The following CNTNAP2 variants were observed in gnomAD, a reference collection of about 807,000 sequenced individuals.
CNTNAP2 encodes contactin-associated protein-like 2.
Under a neutral mutation model 155.2 loss-of-function variants are expected in CNTNAP2, and 98 were observed. That is an observed-to-expected ratio of 0.63 (90% CI 0.54 to 0.75). The LOEUF (loss-of-function observed/expected upper bound fraction) is 0.75, where lower values mean the gene tolerates loss of function less well. CNTNAP2 is among the 30% of genes least tolerant of loss of function. The probability of loss-of-function intolerance (pLI) is 0.00; values close to 1 mark genes in which losing one functional copy is unlikely to be tolerated. For missense variants in CNTNAP2, 1,727 were observed against 1,688.1 expected (o/e 1.02, Z -0.40); for synonymous variants, 651 against 631.2 (o/e 1.03, Z -0.47).
intron 8 of CNTNAP2, among the ~76,000 whole-genome samples, chr7:147,141,411 C>A (rs576248272): frequency 6.6e-6 from 1 of 152,218 alleles, no homozygotes; most frequent in East Asian, 1.9e-4. Flanking sequence ...GCCAGATTGC[C>A]TACTGGCTAT....
At chr7:148,207,469 C>G (rs1795471088) in intron 18 of CNTNAP2, among the ~76,000 whole-genome samples, 1 of 152,222 alleles carries the variant, frequency 6.6e-6, no homozygotes, top group African/African-American at 2.4e-5. Context: ...CGCTGGCACA[C>G]AGATGCCTCT....
intron 3 of CNTNAP2, among the ~76,000 whole-genome samples, chr7:147,005,148 C>A (rs1483928386): frequency 1.3e-5 from 2 of 151,934 alleles, no homozygotes; most frequent in Admixed American, 1.3e-4. Context: ...TGGTAAGATT[C>A]AAATACTTGT....
intron 21 of CNTNAP2, among the ~76,000 whole-genome samples, chr7:148,276,137 A>G (rs577041952): frequency 1.8e-4 from 28 of 152,306 alleles, no homozygotes; most frequent in Admixed American, 7.8e-4. Flanking sequence ...ACAAGAGTAC[A>G]TTATTAGCAG....
chr7:146,539,939 A>G (rs932952352), intron 1 of CNTNAP2, among the ~76,000 whole-genome samples: 7 of 152,092 alleles, frequency 4.6e-5, no homozygotes, highest in Non-Finnish European at 1.0e-4. Context: ...CTGTCATGGT[A>G]AAGAAGAGCA....
intron 15 of CNTNAP2, among the ~76,000 whole-genome samples, chr7:148,035,312 T>A (rs1272225636): frequency 6.6e-6 from 1 of 152,092 alleles, no homozygotes; most frequent in Admixed American, 6.5e-5. Context: ...GTTTTGGAGA[T>A]CTCTGAGGCT....
At chr7:147,267,789 C>T (rs959345821) in intron 8 of CNTNAP2, among the ~76,000 whole-genome samples, 6 of 152,108 alleles carry the variant, frequency 3.9e-5, no homozygotes, top group East Asian at 1.9e-4. Flanking sequence ...AGTGTGTTTT[C>T]GATTATAAAA....
At chr7:147,477,427 T>C (rs1798342395) in intron 10 of CNTNAP2, among the ~76,000 whole-genome samples, 1 of 152,238 alleles carries the variant, frequency 6.6e-6, no homozygotes, top group South Asian at 2.1e-4. Context: ...TTTGGGTTTC[T>C]TGTGGTCTCA....
intron 10 of CNTNAP2, among the ~76,000 whole-genome samples, chr7:147,461,186 A>T (rs375880746): frequency 2.0e-5 from 3 of 152,220 alleles, no homozygotes; most frequent in African/African-American, 7.2e-5. Context: ...AGACACTAAC[A>T]TAAATAAATA....
At chr7:147,591,087 A>G (rs1290055657) in intron 12 of CNTNAP2, among the ~76,000 whole-genome samples, 2 of 152,218 alleles carry the variant, frequency 1.3e-5, no homozygotes, top group Non-Finnish European at 2.9e-5. Flanking sequence ...CATCACTCAA[A>G]CCAAAACCCT....
chr7:147,144,503 T>C (rs1288985903), intron 8 of CNTNAP2, among the ~76,000 whole-genome samples: 1 of 152,220 alleles, frequency 6.6e-6, no homozygotes, highest in Admixed American at 6.5e-5. Context: ...ATGTGAAATC[T>C]GGATCACATG....
chr7:146,962,759 C>G (rs1797580475), intron 3 of CNTNAP2: 3 of 152,244 alleles, frequency 2.0e-5, no homozygotes, highest in Admixed American at 2.0e-4. Context: ...CCATGTTGGC[C>G]AGGCTGGTCT....
rs971775067 is a variant in CNTNAP2 at position 148,180,304 on chromosome 7, CT to C, written c.3010+7835del. Among the ~76,000 whole-genome samples the C allele has an allele frequency of 5.9e-5, 9 of 151,440 alleles. No individual in the cohort carries two copies. In the South Asian group the frequency reaches 1.1e-3, roughly 18 times the overall value. The stretch of plus-strand genomic sequence containing the variant: ...GGCCCAAAGGAACAAGAATAGAACC[CT>C]TTTTTTTTCTTTTCTTCTTAGAGAA... On this transcript the variant is annotated intron_variant, in intron 18 of 23. Coordinates refer to ENST00000361727, the MANE Select transcript of CNTNAP2 (RefSeq NM_014141.6).
At chr7:148,347,366 C>T (rs539231905) in intron 21 of CNTNAP2, among the ~76,000 whole-genome samples, 1 of 152,166 alleles carries the variant, frequency 6.6e-6, no homozygotes, top group South Asian at 2.1e-4. Flanking sequence ...GGCACAATTA[C>T]AAATAAGCTA....
chr7:146,622,160 T>C (rs890825110), intron 1 of CNTNAP2, among the ~76,000 whole-genome samples: 1 of 151,222 alleles, frequency 6.6e-6, no homozygotes, highest in Non-Finnish European at 1.5e-5. Context: ...CGTATATATA[T>C]ATACACACAC....
intron 1 of CNTNAP2, among the ~76,000 whole-genome samples, chr7:146,488,216 C>T (rs1437941191): frequency 6.6e-6 from 1 of 151,416 alleles, no homozygotes; most frequent in Non-Finnish European, 1.5e-5. Context: ...CTGCTACAAA[C>T]CCTCCATCCC....
intron 1 of CNTNAP2, among the ~76,000 whole-genome samples, chr7:146,644,693 C>G (rs1473549423): frequency 6.6e-6 from 1 of 152,108 alleles, no homozygotes; most frequent in African/African-American, 2.4e-5. Context: ...TCAGAGAATA[C>G]TACAAACACC....
At chr7:146,722,022 G>A (rs1287885592) in intron 1 of CNTNAP2, among the ~76,000 whole-genome samples, 3 of 149,158 alleles carry the variant, frequency 2.0e-5, no homozygotes, top group Admixed American at 6.7e-5. Flanking sequence ...TGAGAAGCTG[G>A]GATTACAGGT....
At chr7:148,276,918 C>A (rs566222500) in intron 21 of CNTNAP2, among the ~76,000 whole-genome samples, 1 of 152,164 alleles carries the variant, frequency 6.6e-6, no homozygotes, top group Admixed American at 6.5e-5. Flanking sequence ...CTGATGATGT[C>A]GTATTCCTTC....
chr7:146,946,393 T>C (rs1214740565), intron 3 of CNTNAP2, among the ~76,000 whole-genome samples: 2 of 152,180 alleles, frequency 1.3e-5, no homozygotes, highest in Non-Finnish European at 2.9e-5. Context: ...AAAACATTCC[T>C]TAGGTATTTA....
Sources: gnomAD v4.1 joint callset for allele counts (sites outside exome capture counted in the v4.1 genomes callset) on GRCh38, gnomAD v4.1.1 for gene constraint, MANE v1.5 for transcripts, NCBI Gene and HGNC (gene_info 2026-07-23, HGNC 2026-07-21) for gene names.